Variants in FHIT observed in about 807,000 individuals in gnomAD.
FHIT encodes the protein fragile histidine triad diadenosine triphosphatase.
In FHIT, 19 loss-of-function variants were observed where a neutral mutation model predicts 17.9. That is an observed-to-expected ratio of 1.06 (90% CI 0.74 to 1.56). The LOEUF (loss-of-function observed/expected upper bound fraction) is 1.56. FHIT is among the 40% of genes most tolerant of loss of function. The pLI, the probability that FHIT is intolerant of heterozygous loss-of-function variation, is 0.00. For synonymous variants in FHIT, 81 were observed against 69.7 expected (o/e 1.16, Z -0.81); for missense variants, 248 against 189.2 (o/e 1.31, Z -1.82).
At chr3:60,409,027 G>A (rs1023128414) in intron 5 of FHIT, among the ~76,000 whole-genome samples, 1 of 152,140 alleles carries the variant, frequency 6.6e-6, no homozygotes, top group Non-Finnish European at 1.5e-5. Context: ...CAGCTTAAGA[G>A]TTGGGTGACT....
chr3:60,246,513 G>A (rs1170367786), intron 5 of FHIT, among the ~76,000 whole-genome samples: 1 of 152,032 alleles, frequency 6.6e-6, no homozygotes, highest in African/African-American at 2.4e-5. Flanking sequence ...TCTTTAATTA[G>A]GAAGAACAGG....
At chr3:61,060,035 G>T (rs771853961) in intron 2 of FHIT, among the ~76,000 whole-genome samples, 3 of 152,040 alleles carry the variant, frequency 2.0e-5, no homozygotes, top group African/African-American at 7.2e-5. Context: ...GCAATGGGAT[G>T]ATGTCCTGTC....
At chr3:60,003,117 A>T (rs75348901) in intron 7 of FHIT, among the ~76,000 whole-genome samples, 3,701 of 152,276 alleles carry the variant, frequency 0.024, 67 homozygotes, top group South Asian at 0.056. Flanking sequence ...TAAATAATAG[A>T]ATCAACAACC....
At position 60,793,557 on chromosome 3, in the gene FHIT, C is replaced by T. The variant is rs797039895; in HGVS notation, c.-18+28362G>A. 3.3e-5 allele frequency among the ~76,000 whole-genome samples: 5 copies of T among 152,336 alleles called. 1 individual carries two copies. Among genetic ancestry groups the T allele is most frequent in the African/African-American group, 1.2e-4 (5 of 41,586 alleles). On this transcript the variant is annotated intron_variant, in intron 4 of 9. Transcript: ENST00000492590. ...ACCTCAGGTGATCTGCCTGCCTCAG[C>T]CTCCCAAAGTGCTGGGATTATAGGC...
At chr3:60,955,383 T>C (rs1709066034) in intron 3 of FHIT, among the ~76,000 whole-genome samples, 1 of 151,874 alleles carries the variant, frequency 6.6e-6, no homozygotes, top group Non-Finnish European at 1.5e-5. Flanking sequence ...TCCCCTTAGT[T>C]CTGGGGTGAA....
At chr3:60,431,481 C>A (rs1166965156) in intron 5 of FHIT, among the ~76,000 whole-genome samples, 1 of 152,040 alleles carries the variant, frequency 6.6e-6, no homozygotes. Context: ...TTGCCGACAG[C>A]TCCCTCAAAA....
At chr3:60,063,709 C>T (rs543362301) in intron 5 of FHIT, among the ~76,000 whole-genome samples, 2 of 152,298 alleles carry the variant, frequency 1.3e-5, no homozygotes, top group Admixed American at 6.5e-5. Context: ...AACCCTTTAA[C>T]CCAGCAAATG....
intron 5 of FHIT, among the ~76,000 whole-genome samples, chr3:60,459,786 T>C (rs1448682018): frequency 6.6e-6 from 1 of 152,218 alleles, no homozygotes; most frequent in Non-Finnish European, 1.5e-5. Context: ...CTCAGTTCAT[T>C]AACAGCATTC....
intron 4 of FHIT, among the ~76,000 whole-genome samples, chr3:60,599,008 C>T (rs1366697641): frequency 3.9e-5 from 6 of 152,122 alleles, no homozygotes; most frequent in Non-Finnish European, 7.4e-5. Flanking sequence ...AGAGAAAGTT[C>T]GTTTAAAATC....
intron 5 of FHIT, among the ~76,000 whole-genome samples, chr3:60,106,424 G>GCAAAAGTTT (rs1704415946): frequency 6.6e-6 from 1 of 152,078 alleles, no homozygotes; most frequent in South Asian, 2.1e-4. Flanking sequence ...ACCTCAAACC[G>GCAAAAGTTT]CAAAAGTTTC....
At chr3:61,052,838 G>A (rs1168551249) in intron 2 of FHIT, among the ~76,000 whole-genome samples, 2 of 148,776 alleles carry the variant, frequency 1.3e-5, no homozygotes, top group East Asian at 2.0e-4. Context: ...TCTTTTAGAT[G>A]TTAATTAATC....
intron 5 of FHIT, among the ~76,000 whole-genome samples, chr3:60,263,158 A>T (rs1284219503): frequency 6.6e-6 from 1 of 152,006 alleles, no homozygotes. Flanking sequence ...ACTGCTACAC[A>T]GCTAAATAGA....
At chr3:60,544,094 A>T (rs932851737) in intron 4 of FHIT, among the ~76,000 whole-genome samples, 56 of 151,542 alleles carry the variant, frequency 3.7e-4, no homozygotes, top group African/African-American at 1.4e-3. Flanking sequence ...TCACTTAGAA[A>T]TAATGATAAT....
chr3:59,754,753 GT>G (rs1353556613), intron 8 of FHIT, among the ~76,000 whole-genome samples: 1 of 152,164 alleles, frequency 6.6e-6, no homozygotes, highest in Admixed American at 6.6e-5. Context: ...CTTAGAAGAA[GT>G]TTTTGGGAAA....
intron 5 of FHIT, among the ~76,000 whole-genome samples, chr3:60,451,159 TTA>T (rs34327815): frequency 0.16 from 24,715 of 149,904 alleles, 2,256 homozygotes; most frequent in Admixed American, 0.27. Flanking sequence ...TATTTTTACT[TTA>T]TTTTTTTTAA....
At chr3:60,841,064 G>A (rs1466945740) in intron 3 of FHIT, among the ~76,000 whole-genome samples, 6 of 151,944 alleles carry the variant, frequency 3.9e-5, no homozygotes, top group Non-Finnish European at 5.9e-5. Flanking sequence ...CTTCTGTTTC[G>A]GGTCATTATT....
At chr3:60,082,553 T>A (rs1233271033) in intron 5 of FHIT, among the ~76,000 whole-genome samples, 1 of 152,168 alleles carries the variant, frequency 6.6e-6, no homozygotes, top group Non-Finnish European at 1.5e-5. Flanking sequence ...ACCTCCCAAC[T>A]GCTTTCCACA....
At chr3:60,333,070 A>G (rs952445357) in intron 5 of FHIT, among the ~76,000 whole-genome samples, 7 of 152,216 alleles carry the variant, frequency 4.6e-5, no homozygotes, top group Non-Finnish European at 8.8e-5. Flanking sequence ...CTGCATTTCA[A>G]TAACAAGGTT....
intron 4 of FHIT, among the ~76,000 whole-genome samples, chr3:60,557,484 T>C (rs2036781431): frequency 6.6e-6 from 1 of 151,958 alleles, no homozygotes; most frequent in African/African-American, 2.4e-5. Context: ...GTCTGTCTGT[T>C]TGGTTTTCCA....
Sources: allele counts gnomAD v4.1 joint callset (sites outside exome capture counted in the v4.1 genomes callset), GRCh38; gene constraint gnomAD v4.1.1; transcripts MANE v1.5; gene names NCBI Gene and HGNC (gene_info 2026-07-23, HGNC 2026-07-21).